The following GALNTL6 variants were observed in gnomAD, a reference collection of about 807,000 sequenced individuals.
The protein encoded by GALNTL6 is polypeptide N-acetylgalactosaminyltransferase like 6.
In GALNTL6, 46 loss-of-function variants were observed where a neutral mutation model predicts 73.7. That is an observed-to-expected ratio of 0.62 (90% CI 0.49 to 0.80). The LOEUF (loss-of-function observed/expected upper bound fraction) is 0.80, where lower values mean the gene tolerates loss of function less well. Ranked by LOEUF, GALNTL6 falls within the 30% of genes least tolerant of loss-of-function variation. The probability of loss-of-function intolerance (pLI) is 0.00; values close to 1 mark genes in which losing one functional copy is unlikely to be tolerated. For synonymous variants in GALNTL6, 259 were observed against 263.7 expected (o/e 0.98, Z 0.17); for missense variants, 604 against 755.0 (o/e 0.80, Z 2.34).
At chr4:171,890,523 G>A (rs1736731270) in intron 2 of GALNTL6, among the ~76,000 whole-genome samples, 1 of 151,960 alleles carries the variant, frequency 6.6e-6, no homozygotes, top group Non-Finnish European at 1.5e-5. Flanking sequence ...TGAAAGATAT[G>A]AACTGAGGGA....
chr4:172,182,308 G>A lies in GALNTL6; in HGVS notation c.139-47348G>A, dbSNP rs181996767. On this transcript the variant is annotated intron_variant, in intron 2 of 12. Transcript: ENST00000506823. ...TTTTCATTAGATGTGTCTTGGGAAC[G>A]ACTGTATCACATAGATTCAGAATTT... Among the ~76,000 whole-genome samples the A allele has an allele frequency of 2.0e-3, 311 of 152,188 alleles. 3 individuals carry two copies. Among genetic ancestry groups the A allele is most frequent in the Admixed American group, 0.019 (286 of 15,284 alleles).
At chr4:172,750,010 C>A (rs899034416) in intron 5 of GALNTL6, among the ~76,000 whole-genome samples, 1 of 152,166 alleles carries the variant, frequency 6.6e-6, no homozygotes, top group Non-Finnish European at 1.5e-5. Flanking sequence ...ATTATGTCTG[C>A]ACTACTAAAT....
intron 9 of GALNTL6, among the ~76,000 whole-genome samples, chr4:172,938,603 G>T (rs892412911): frequency 1.3e-5 from 2 of 152,144 alleles, no homozygotes; most frequent in African/African-American, 4.8e-5. Flanking sequence ...TTTCTCTCCC[G>T]ATGACTGTAA....
intron 7 of GALNTL6, among the ~76,000 whole-genome samples, chr4:172,822,719 A>G (rs1464659413): frequency 6.6e-6 from 1 of 152,114 alleles, no homozygotes; most frequent in Non-Finnish European, 1.5e-5. Flanking sequence ...AGACATAGCA[A>G]TGGCTGCCTA....
intron 8 of GALNTL6, among the ~76,000 whole-genome samples, chr4:172,888,268 A>G (rs2111205811): frequency 6.6e-6 from 1 of 152,338 alleles, no homozygotes; most frequent in African/African-American, 2.4e-5. Flanking sequence ...GCCAAGGCCA[A>G]TGTCCAGAAA....
intron 2 of GALNTL6, among the ~76,000 whole-genome samples, chr4:171,956,024 C>A (rs865865892): frequency 1.3e-5 from 2 of 150,448 alleles, no homozygotes; most frequent in South Asian, 2.1e-4. Context: ...GGGACAGGGC[C>A]TCATTCTGTC....
intron 2 of GALNTL6, among the ~76,000 whole-genome samples, chr4:172,121,124 A>G (rs1733137778): frequency 6.6e-6 from 1 of 152,156 alleles, no homozygotes; most frequent in Admixed American, 6.5e-5. Flanking sequence ...AAGAAGACAA[A>G]GCATTTTAAA....
intron 2 of GALNTL6, among the ~76,000 whole-genome samples, chr4:172,147,630 C>T (rs1193798849): frequency 6.6e-6 from 1 of 152,172 alleles, no homozygotes; most frequent in Non-Finnish European, 1.5e-5. Context: ...TTATACTACA[C>T]AAACCCTAAG....
At chr4:172,594,291 G>A (rs2111007390) in intron 5 of GALNTL6, among the ~76,000 whole-genome samples, 1 of 152,244 alleles carries the variant, frequency 6.6e-6, no homozygotes, top group South Asian at 2.1e-4. Context: ...GTTGCAGTGA[G>A]CCAAGATCAT....
intron 5 of GALNTL6, among the ~76,000 whole-genome samples, chr4:172,779,225 G>A (rs1027459286): frequency 1.3e-4 from 20 of 152,160 alleles, no homozygotes; most frequent in Non-Finnish European, 2.2e-4. Flanking sequence ...ATATTTTAAA[G>A]GCTGGTGAGT....
intron 3 of GALNTL6, among the ~76,000 whole-genome samples, chr4:172,268,511 T>G (rs530249439): frequency 6.6e-6 from 1 of 152,206 alleles, no homozygotes; most frequent in Non-Finnish European, 1.5e-5. Context: ...GCCTAGACTC[T>G]TGACCTGGGC....
intron 2 of GALNTL6, among the ~76,000 whole-genome samples, chr4:172,096,077 T>C (rs566087174): frequency 1.6e-5 from 2 of 123,988 alleles, no homozygotes; most frequent in Admixed American, 1.9e-4. Flanking sequence ...TCTCTCTCTC[T>C]CTCTTTCTGT....
chr4:172,169,957 T>G (rs1455080683), intron 2 of GALNTL6, among the ~76,000 whole-genome samples: 1 of 152,232 alleles, frequency 6.6e-6, no homozygotes, highest in East Asian at 1.9e-4. Flanking sequence ...TGTCTTCATT[T>G]GACAGAAAGG....
intron 5 of GALNTL6, among the ~76,000 whole-genome samples, chr4:172,567,970 A>G (rs1470297087): frequency 6.6e-6 from 1 of 152,218 alleles, no homozygotes; most frequent in Admixed American, 6.5e-5. Flanking sequence ...AAAATTATTT[A>G]AACATTTCCT....
chr4:172,801,841 A>G, intron 5 of GALNTL6, among the ~76,000 whole-genome samples: 1 of 152,050 alleles, frequency 6.6e-6, no homozygotes, highest in East Asian at 1.9e-4. Flanking sequence ...TGTCTCTGCC[A>G]CCCCTGAGAC....
intron 3 of GALNTL6, among the ~76,000 whole-genome samples, chr4:172,242,716 T>G (rs1737487569): frequency 6.6e-6 from 1 of 152,212 alleles, no homozygotes; most frequent in Non-Finnish European, 1.5e-5. Flanking sequence ...CATTTACTAA[T>G]TCAAGAAATA....
intron 5 of GALNTL6, among the ~76,000 whole-genome samples, chr4:172,596,468 A>AT (rs895398812): frequency 5.3e-5 from 8 of 151,722 alleles, no homozygotes; most frequent in Admixed American, 5.3e-4. Context: ...AAGAAAAAAA[A>AT]AAAAGTGTGA....
intron 7 of GALNTL6, among the ~76,000 whole-genome samples, chr4:172,881,062 T>C (rs904028787): frequency 6.6e-6 from 1 of 152,204 alleles, no homozygotes; most frequent in Non-Finnish European, 1.5e-5. Context: ...AATGAGAATA[T>C]GTTTGTATGA....
At chr4:172,043,563 T>C (rs1415573962) in intron 2 of GALNTL6, among the ~76,000 whole-genome samples, 4 of 152,082 alleles carry the variant, frequency 2.6e-5, no homozygotes, top group African/African-American at 7.2e-5. Flanking sequence ...GCTATACTTT[T>C]TCATCTTTTA....
Sources: allele counts gnomAD v4.1 joint callset (sites outside exome capture counted in the v4.1 genomes callset), GRCh38; gene constraint gnomAD v4.1.1; transcripts MANE v1.5; gene names NCBI Gene and HGNC (gene_info 2026-07-23, HGNC 2026-07-21).